The following DMD variants were observed in gnomAD, a reference collection of about 807,000 sequenced individuals.
The protein encoded by DMD is mutant dystrophin.
DMD carries 63 observed loss-of-function variants against 330.1 expected under a neutral mutation model. That is an observed-to-expected ratio of 0.19 (90% CI 0.16 to 0.24). The LOEUF (loss-of-function observed/expected upper bound fraction) is 0.24. DMD is among the 10% of genes least tolerant of loss of function. The pLI is 1.00. For synonymous variants in DMD, 1,223 were observed against 959.8 expected (o/e 1.27, Z -5.07); for missense variants, 3,344 against 2,684.1 (o/e 1.25, Z -5.43).
chrX:33,038,473 A>G (rs1209367465), intron 1 of DMD, among the ~76,000 whole-genome samples: 1 of 111,708 alleles, frequency 9.0e-6, no homozygotes, highest in Non-Finnish European at 1.9e-5. Context: ...CTTTGCACTT[A>G]ATGTTAGTTG....
At chrX:32,894,264 C>G (rs1193744227) in intron 2 of DMD, among the ~76,000 whole-genome samples, 1 of 111,886 alleles carries the variant, frequency 8.9e-6, no homozygotes, top group Non-Finnish European at 1.9e-5. Context: ...GCGAAGGCAT[C>G]AGGTTCAAGA....
At chrX:31,389,542 C>T (rs746849605) in intron 60 of DMD, among the ~76,000 whole-genome samples, 115 of 111,568 alleles carry the variant, frequency 1.0e-3, no homozygotes, top group Admixed American at 1.6e-3. Context: ...ATAAAGATGC[C>T]GAAACTCAGA....
intron 62 of DMD, among the ~76,000 whole-genome samples, chrX:31,267,739 A>G (rs1024323823): frequency 2.7e-5 from 3 of 112,561 alleles, no homozygotes; most frequent in African/African-American, 9.7e-5. Context: ...TGAACAGTTC[A>G]AATAATTCTA....
intron 13 of DMD, among the ~76,000 whole-genome samples, chrX:32,590,523 C>A (rs1166575040): frequency 9.0e-6 from 1 of 111,494 alleles, no homozygotes; most frequent in Non-Finnish European, 1.9e-5. Flanking sequence ...GGGTGGGCAC[C>A]ACCCAATCAG....
chrX:33,140,871 G>T (rs1375410653), intron 1 of DMD, among the ~76,000 whole-genome samples: 1 of 111,690 alleles, frequency 9.0e-6, no homozygotes, highest in Non-Finnish European at 1.9e-5. Flanking sequence ...GTGGCATACA[G>T]ATTAAGTATA....
chrX:33,010,354 A>G (rs978243827), intron 2 of DMD, among the ~76,000 whole-genome samples: 3 of 105,130 alleles, frequency 2.9e-5, no homozygotes, highest in Non-Finnish European at 5.8e-5. Context: ...ATATGTGTGT[A>G]TGTATATCCA....
At chrX:31,123,807 A>G (rs1248178148) in intron 78 of DMD, among the ~76,000 whole-genome samples, 1 of 112,178 alleles carries the variant, frequency 8.9e-6, no homozygotes, top group East Asian at 2.8e-4. Flanking sequence ...GCTAGAAAAC[A>G]TATTACAAAA....
At chrX:33,261,667 C>CACAT (rs1557309962) in intron 1 of DMD, among the ~76,000 whole-genome samples, 7 of 108,244 alleles carry the variant, frequency 6.5e-5, no homozygotes, top group African/African-American at 1.3e-4. Context: ...CACACACACA[C>CACAT]GCCATGAAGG....
chrX:32,717,800 T>C (rs1200659830), intron 7 of DMD, among the ~76,000 whole-genome samples: 1 of 111,675 alleles, frequency 9.0e-6, no homozygotes, highest in Non-Finnish European at 1.9e-5. Context: ...CCCAAGGCCT[T>C]GGGAGCCTGT....
intron 44 of DMD, among the ~76,000 whole-genome samples, chrX:32,138,404 C>T (rs985480212): frequency 5.4e-5 from 6 of 111,472 alleles, no homozygotes; most frequent in Non-Finnish European, 1.1e-4. Context: ...AAAATAACAC[C>T]TACAGCTTTG....
At chrX:31,136,920 T>A (rs112268277) in intron 76 of DMD, among the ~76,000 whole-genome samples, 3 of 112,623 alleles carry the variant, frequency 2.7e-5, no homozygotes, top group African/African-American at 9.7e-5. Flanking sequence ...GCCTATTACA[T>A]TCTAGGTAGT....
At chrX:32,069,726 T>G (rs2096283126) in intron 44 of DMD, among the ~76,000 whole-genome samples, 2 of 112,008 alleles carry the variant, frequency 1.8e-5, no homozygotes, top group Admixed American at 1.9e-4. Flanking sequence ...AATATCTGGT[T>G]GACTTGTCAG....
chrX:33,123,725 GTTTT>G (rs780028344), intron 1 of DMD, among the ~76,000 whole-genome samples: 35 of 85,852 alleles, frequency 4.1e-4, no homozygotes, highest in African/African-American at 1.3e-3. Context: ...GTTCAAATGA[GTTTT>G]TTTTTTTTTT....
chrX:32,698,964 G>GTC, intron 8 of DMD, 148 bp downstream of exon 8: 1 of 349,288 alleles, frequency 2.9e-6, no homozygotes, highest in Non-Finnish European at 4.5e-6. Context: ...GGTTTAGTCT[G>GTC]TCTCTTTTTG....
rs200472080 is a variant in DMD at position 32,463,476 on chromosome X, T to C, written c.3395A>G (p.Lys1132Arg). 2 of 1,208,509 alleles carry C rather than the reference T, an allele frequency of 1.7e-6. No homozygotes were observed. The highest frequency in any genetic ancestry group is 2.2e-6 in the Non-Finnish European group (2 of 893,862). ...EFASRLETEL[K>R]ELNTQWDHMC... ...GTGATCCCACTGAGTGTTAAGTTCTTTGAGTTCTGTCTCAAGTCTCGAAGC... is the reference window on the plus strand; with the variant it reads ...GTGATCCCACTGAGTGTTAAGTTCTCTGAGTTCTGTCTCAAGTCTCGAAGC... The change falls in exon 25 of 79, where the codon AAA becomes AGA. Residue 1132 changes from lysine to arginine, a missense_variant. Physicochemically the swap from Lys to Arg is conservative, Grantham distance 26. Coordinates refer to ENST00000357033, the MANE Select transcript of DMD (RefSeq NM_004006.3).
chrX:32,141,446 CAAAAACA>C (rs1190872621), intron 44 of DMD, among the ~76,000 whole-genome samples: 1 of 106,131 alleles, frequency 9.4e-6, no homozygotes, highest in Non-Finnish European at 1.9e-5. Flanking sequence ...AAAACAAAAA[CAAAAACA>C]AAAACAAAAA....
chrX:32,864,393 T>G (rs1403694331), intron 2 of DMD, among the ~76,000 whole-genome samples: 1 of 112,488 alleles, frequency 8.9e-6, no homozygotes, highest in Non-Finnish European at 1.9e-5. Context: ...AAGCTGGGCT[T>G]GACTATCATC....
intron 9 of DMD, among the ~76,000 whole-genome samples, chrX:32,677,401 T>C (rs1017951612): frequency 2.7e-5 from 3 of 111,660 alleles, no homozygotes; most frequent in Non-Finnish European, 5.7e-5. Flanking sequence ...GAACACACAT[T>C]AATTTCATTA....
intron 2 of DMD, among the ~76,000 whole-genome samples, chrX:33,009,290 G>A (rs1159592491): frequency 1.9e-5 from 1 of 53,525 alleles, no homozygotes; most frequent in African/African-American, 7.4e-5. Flanking sequence ...GTGTATGTGT[G>A]TATATGTGTA....
Sources: gnomAD v4.1 joint callset for allele counts (sites outside exome capture counted in the v4.1 genomes callset) on GRCh38, gnomAD v4.1.1 for gene constraint, MANE v1.5 for transcripts, NCBI Gene and HGNC (gene_info 2026-07-23, HGNC 2026-07-21) for gene names.